Variants in KIF4A observed in about 807,000 individuals in gnomAD.
KIF4A encodes kinesin family member 4A, also known as chromosome-associated kinesin KIF4A.
KIF4A carries 7 observed loss-of-function variants against 105.9 expected under a neutral mutation model. The observed-to-expected ratio is 0.07, with a 90% CI of 0.04 to 0.12. The LOEUF is 0.12. KIF4A is among the 10% of genes least tolerant of loss of function. KIF4A has a pLI of 1.00. For synonymous variants in KIF4A, 281 were observed against 331.3 expected, an observed-to-expected ratio of 0.85 and a Z score of 1.65; for missense variants, 558 against 929.2, an observed-to-expected ratio of 0.60 and a Z score of 5.19.
At chrX:70,354,643 C>T (rs1026993777) in intron 15 of KIF4A, among the ~76,000 whole-genome samples, 4 of 112,465 alleles carry the variant, frequency 3.6e-5, no homozygotes, top group African/African-American at 1.3e-4. Flanking sequence ...TCCTAGCACC[C>T]TATCTATCCT....
chrX:70,408,352 T>C (rs1436222198), intron 28 of KIF4A, among the ~76,000 whole-genome samples: 1 of 111,826 alleles, frequency 8.9e-6, no homozygotes, highest in Non-Finnish European at 1.9e-5. Context: ...AGCTAATAAT[T>C]AAGATCAAAC....
chrX:70,377,100 T>A (rs1451487838), intron 18 of KIF4A, among the ~76,000 whole-genome samples: 1 of 111,089 alleles, frequency 9.0e-6, no homozygotes, highest in Non-Finnish European at 1.9e-5. Flanking sequence ...AGATATGGGG[T>A]CTTGTTCTGT....
At chrX:70,294,452 A>G (rs957280050) in intron 3 of KIF4A, among the ~76,000 whole-genome samples, 1 of 112,855 alleles carries the variant, frequency 8.9e-6, no homozygotes, top group Non-Finnish European at 1.9e-5. Flanking sequence ...ATTTATTATT[A>G]TGAAGCGTTA....
intron 25 of KIF4A, among the ~76,000 whole-genome samples, 154 bp from the exon 26 acceptor site, chrX:70,405,674 A>C (rs866764462): frequency 8.1e-5 from 9 of 111,583 alleles, no homozygotes; most frequent in Middle Eastern, 9.2e-3. Context: ...GGAACTGGGA[A>C]TCAGACATTT....
At chrX:70,382,724 G>A (rs1040050084) in intron 18 of KIF4A, among the ~76,000 whole-genome samples, 2 of 109,311 alleles carry the variant, frequency 1.8e-5, no homozygotes, top group South Asian at 4.1e-4. Flanking sequence ...AGGCCAAGGT[G>A]GGAGGATTGC....
chrX:70,408,313 G>T (rs1481321037), intron 28 of KIF4A, among the ~76,000 whole-genome samples: 5 of 111,313 alleles, frequency 4.5e-5, no homozygotes, highest in Non-Finnish European at 9.4e-5. Flanking sequence ...TTACTCTCTA[G>T]GCTAAGGAAC....
At chrX:70,311,018 C>T (rs992373066) in intron 7 of KIF4A, among the ~76,000 whole-genome samples, 1 of 107,957 alleles carries the variant, frequency 9.3e-6, no homozygotes. Context: ...CCTGGCTACT[C>T]GGGGGACTGA....
chrX:70,374,110 C>A, intron 15 of KIF4A, 41 bp from the exon 16 acceptor site: 1 of 818,156 alleles, frequency 1.2e-6, no homozygotes, highest in South Asian at 2.6e-5. Flanking sequence ...CTTCCTGTGC[C>A]ATATAATGTC....
chrX:70,387,316 G>T lies in KIF4A; in HGVS notation c.2232+19G>T. The T allele has an allele frequency of 9.2e-7, 1 of 1,089,262 alleles. No homozygotes were observed. The highest frequency in any genetic ancestry group is 1.2e-6 in the Non-Finnish European group (1 of 806,249). 89.8% of individuals were successfully genotyped at this position (1,089,262 alleles called of 1,213,427 possible). ...AGTGAAGGTATGAACAACTTGAACT[G>T]CCATTTCTCTTGTGGACACTGGGAA... On this transcript the variant is annotated intron_variant, in intron 20 of 30. Transcript: ENST00000374403.
At chrX:70,374,290 C>CTA (rs1569245952) in intron 16 of KIF4A, 36 bp downstream of exon 16, 9 of 927,758 alleles carry the variant, frequency 9.7e-6, no homozygotes, top group Non-Finnish European at 1.2e-5. Context: ...TTTCAAGTCC[C>CTA]TACTATGTGT....
intron 15 of KIF4A, among the ~76,000 whole-genome samples, chrX:70,363,024 G>C (rs2086083219): frequency 9.0e-6 from 1 of 110,869 alleles, no homozygotes; most frequent in African/African-American, 3.3e-5. Flanking sequence ...CTGGGTTCAA[G>C]GGATCCTCCC....
chrX:70,369,591 C>T (rs770016898), intron 15 of KIF4A, among the ~76,000 whole-genome samples: 51 of 111,842 alleles, frequency 4.6e-4, no homozygotes, highest in African/African-American at 1.6e-3. Flanking sequence ...CCACTTCTTT[C>T]TACCCTAGTA....
rs182511368 is a variant in KIF4A at position 70,334,230 on chromosome X, G to A, written c.1133+541G>A. ...TAGAAGCCAAGATTTGGGTACTAGC[G>A]CCAGCTGTGTTTATTGTTACCAGAG... On this transcript the variant is annotated intron_variant, in intron 10 of 30. Coordinates refer to ENST00000374403, the MANE Select transcript of KIF4A (RefSeq NM_012310.5). Among the ~76,000 whole-genome samples, 150 of 111,750 alleles carry A rather than the reference G, an allele frequency of 1.3e-3. 1 individual carries two copies. Among genetic ancestry groups the A allele is most frequent in the Non-Finnish European group, 2.1e-3 (109 of 53,064 alleles).
intron 15 of KIF4A, among the ~76,000 whole-genome samples, chrX:70,372,129 G>A (rs778964172): frequency 1.6e-3 from 163 of 105,068 alleles, no homozygotes; most frequent in African/African-American, 5.3e-3. Context: ...ATGGGATGGC[G>A]GCCGGCAGAG....
intron 15 of KIF4A, among the ~76,000 whole-genome samples, chrX:70,372,123 G>T (rs1367095903): frequency 9.4e-6 from 1 of 106,203 alleles, no homozygotes; most frequent in Admixed American, 9.9e-5. Flanking sequence ...TCCTAGATGG[G>T]ATGGCGGCCG....
intron 7 of KIF4A, among the ~76,000 whole-genome samples, chrX:70,317,643 C>G (rs2085874735): frequency 1.9e-5 from 2 of 104,097 alleles, no homozygotes; most frequent in African/African-American, 3.5e-5. Flanking sequence ...CTCCTGGACT[C>G]AAGCAATCCT....
intron 22 of KIF4A, among the ~76,000 whole-genome samples, chrX:70,401,583 T>C (rs1439769715): frequency 9.2e-6 from 1 of 109,214 alleles, no homozygotes; most frequent in Non-Finnish European, 1.9e-5. Flanking sequence ...GTATTTTTAG[T>C]AGAGCCGGGG....
At chrX:70,344,528 A>G (rs1051278208) in intron 13 of KIF4A, among the ~76,000 whole-genome samples, 2 of 111,354 alleles carry the variant, frequency 1.8e-5, no homozygotes, top group African/African-American at 6.5e-5. Context: ...AAAAATTTTC[A>G]CAATCCCACT....
intron 8 of KIF4A, among the ~76,000 whole-genome samples, chrX:70,329,752 A>G (rs1055978477): frequency 8.9e-6 from 1 of 112,178 alleles, no homozygotes; most frequent in African/African-American, 3.2e-5. Context: ...TGTACTTTGT[A>G]CTTTACACCT....
Sources: allele counts gnomAD v4.1 joint callset (sites outside exome capture counted in the v4.1 genomes callset), GRCh38; gene constraint gnomAD v4.1.1; transcripts MANE v1.5; gene names NCBI Gene and HGNC (gene_info 2026-07-23, HGNC 2026-07-21).